The following GALNT13 variants were observed in gnomAD, a reference collection of about 807,000 sequenced individuals.
The protein encoded by GALNT13 is UDP-GalNAc:polypeptide N-acetylgalactosaminyltransferase 13.
In GALNT13, 28 loss-of-function variants were observed where a neutral mutation model predicts 64.2. The ratio of observed to expected loss-of-function variants is 0.44; its 90% CI spans 0.32 to 0.60. The LOEUF (loss-of-function observed/expected upper bound fraction) is 0.60. Ranked by LOEUF, GALNT13 falls within the 20% of genes least tolerant of loss-of-function variation. The pLI, the probability that GALNT13 is intolerant of heterozygous loss-of-function variation, is 0.05. For missense variants in GALNT13, 577 were observed against 669.8 expected (o/e 0.86, Z 1.53); for synonymous variants, 214 against 224.6 (o/e 0.95, Z 0.42).
intron 3 of GALNT13, among the ~76,000 whole-genome samples, chr2:154,096,193 A>G (rs1000873567): frequency 6.6e-6 from 1 of 152,042 alleles, no homozygotes; most frequent in Non-Finnish European, 1.5e-5. Context: ...CAAATAAAGT[A>G]AAATCTCAAG....
intron 3 of GALNT13, among the ~76,000 whole-genome samples, chr2:153,989,661 A>G (rs973240848): frequency 6.6e-6 from 1 of 152,018 alleles, no homozygotes; most frequent in Non-Finnish European, 1.5e-5. Flanking sequence ...GAGAAAGTGA[A>G]TATCACAGAT....
intron 4 of GALNT13, among the ~76,000 whole-genome samples, chr2:154,159,954 T>C (rs1684638606): frequency 6.6e-6 from 1 of 152,220 alleles, no homozygotes; most frequent in Non-Finnish European, 1.5e-5. Flanking sequence ...CCTTAAATTA[T>C]GCTTAGAAAG....
chr2:153,644,705 T>C, the GALNT13 span, among the ~76,000 whole-genome samples: 26,720 of 151,914 alleles, frequency 0.18, 2,893 homozygotes, highest in Non-Finnish European at 0.24. Context: ...TGACTATCAG[T>C]CTTATCGTAA....
chr2:153,353,470 G>A, the GALNT13 span, among the ~76,000 whole-genome samples: 2 of 151,826 alleles, frequency 1.3e-5, no homozygotes, highest in South Asian at 2.1e-4. Context: ...GTATTAGCTG[G>A]ACTTCCAATA....
chr2:153,555,844 GAC>G, the GALNT13 span, among the ~76,000 whole-genome samples: 2 of 152,144 alleles, frequency 1.3e-5, no homozygotes, highest in African/African-American at 4.8e-5. Context: ...GGAGAAAGAT[GAC>G]ATTACAGAAG....
chr2:153,830,158 A>T, the GALNT13 span, among the ~76,000 whole-genome samples: 2 of 150,886 alleles, frequency 1.3e-5, no homozygotes, highest in Non-Finnish European at 3.0e-5. Context: ...TTAAATTTGC[A>T]TGTTTTGAAA....
the GALNT13 span, among the ~76,000 whole-genome samples, chr2:153,236,204 G>C: frequency 6.6e-6 from 1 of 152,144 alleles, no homozygotes; most frequent in Non-Finnish European, 1.5e-5. Flanking sequence ...GGTTCATGAA[G>C]TTAAGGAAAG....
chr2:154,416,506 G>A (rs138641408), intron 11 of GALNT13, among the ~76,000 whole-genome samples: 93 of 152,080 alleles, frequency 6.1e-4, no homozygotes, highest in African/African-American at 2.0e-3. Context: ...GGACTCAAAC[G>A]TTTAGACTAC....
chr2:154,172,561 G>T (rs1183053631), intron 4 of GALNT13, among the ~76,000 whole-genome samples: 2 of 151,720 alleles, frequency 1.3e-5, no homozygotes, highest in Non-Finnish European at 1.5e-5. Flanking sequence ...TTTGTTCTTG[G>T]CTTATTTCAT....
chr2:154,051,490 C>A (rs1209458446), intron 3 of GALNT13, among the ~76,000 whole-genome samples: 1 of 151,144 alleles, frequency 6.6e-6, no homozygotes, highest in Non-Finnish European at 1.5e-5. Flanking sequence ...CGGGGTTTCA[C>A]CTTGTTAGCC....
chr2:154,206,551 T>TG (rs1687466962), intron 4 of GALNT13, among the ~76,000 whole-genome samples: 1 of 151,748 alleles, frequency 6.6e-6, no homozygotes, highest in Non-Finnish European at 1.5e-5. Flanking sequence ...ACCTAGCACT[T>TG]TGGGAGGCCA....
chr2:153,876,970 A>G (rs1029452303), intron 1 of GALNT13, among the ~76,000 whole-genome samples: 4 of 152,116 alleles, frequency 2.6e-5, no homozygotes, highest in Non-Finnish European at 5.9e-5. Context: ...TGTGTACACT[A>G]CCATAATTAC....
the GALNT13 span, among the ~76,000 whole-genome samples, chr2:153,847,056 T>A: frequency 6.6e-6 from 1 of 152,040 alleles, no homozygotes; most frequent in Non-Finnish European, 1.5e-5. Flanking sequence ...GCAAAATGTA[T>A]TCCCTATAAA....
At chr2:154,142,613 G>A (rs1166039532) in intron 4 of GALNT13, among the ~76,000 whole-genome samples, 1 of 151,104 alleles carries the variant, frequency 6.6e-6, no homozygotes, top group South Asian at 2.1e-4. Context: ...GAGATTCCAG[G>A]GCTTGTAATT....
At chr2:153,799,656 A>T in the GALNT13 span, among the ~76,000 whole-genome samples, 1 of 152,124 alleles carries the variant, frequency 6.6e-6, no homozygotes, top group Non-Finnish European at 1.5e-5. Flanking sequence ...ATCCCTATTA[A>T]ATAATTACAT....
chr2:153,564,276 G>T, the GALNT13 span, among the ~76,000 whole-genome samples: 1 of 151,702 alleles, frequency 6.6e-6, no homozygotes. Context: ...TTTTCTTCCT[G>T]GCATACTACC....
the GALNT13 span, among the ~76,000 whole-genome samples, chr2:153,565,787 T>C: frequency 6.6e-6 from 1 of 152,202 alleles, no homozygotes; most frequent in Non-Finnish European, 1.5e-5. Flanking sequence ...TGCTTGTGCA[T>C]ACACATACCC....
At chr2:153,401,346 G>A in the GALNT13 span, among the ~76,000 whole-genome samples, 2 of 151,826 alleles carry the variant, frequency 1.3e-5, no homozygotes, top group Non-Finnish European at 2.9e-5. Context: ...TTACTTCCAA[G>A]TAAGTGGTCA....
At chr2:153,668,453 A>G in the GALNT13 span, among the ~76,000 whole-genome samples, 2 of 152,186 alleles carry the variant, frequency 1.3e-5, no homozygotes, top group Non-Finnish European at 2.9e-5. Context: ...AAGAAAAGAT[A>G]TCTCAACATG....
Sources: allele counts gnomAD v4.1 joint callset (sites outside exome capture counted in the v4.1 genomes callset), GRCh38; gene constraint gnomAD v4.1.1; transcripts MANE v1.5; gene names NCBI Gene and HGNC (gene_info 2026-07-23, HGNC 2026-07-21).